The following AGO4 variants were observed in gnomAD, a reference collection of about 807,000 sequenced individuals.
The protein encoded by AGO4 is protein argonaute-4.
Under a neutral mutation model 104.7 loss-of-function variants are expected in AGO4, and 33 were observed. The observed-to-expected ratio is 0.32, with a 90% CI of 0.24 to 0.42. The LOEUF (loss-of-function observed/expected upper bound fraction) is 0.42, where lower values mean the gene tolerates loss of function less well. Ranked by LOEUF, AGO4 falls within the 10% of genes least tolerant of loss-of-function variation. AGO4 has a pLI of 1.00. For missense variants in AGO4, 711 were observed against 1,083.4 expected (o/e 0.66, Z 4.83); for synonymous variants, 331 against 364.7 (o/e 0.91, Z 1.05).
intron 15 of AGO4, among the ~76,000 whole-genome samples, chr1:35,847,071 G>A (rs886849993): frequency 3.3e-5 from 5 of 151,872 alleles, no homozygotes; most frequent in Admixed American, 2.6e-4. Flanking sequence ...CCTCCCATAT[G>A]TTTTAAAACA....
At chr1:35,811,702 C>T (rs943408276) in intron 1 of AGO4, among the ~76,000 whole-genome samples, 1 of 151,970 alleles carries the variant, frequency 6.6e-6, no homozygotes, top group Non-Finnish European at 1.5e-5. Flanking sequence ...CTCCCGGGTT[C>T]AAGCAGTTCT....
At chr1:35,837,329 C>T (rs1644337003) in intron 13 of AGO4, among the ~76,000 whole-genome samples, 1 of 151,676 alleles carries the variant, frequency 6.6e-6, no homozygotes, top group South Asian at 2.1e-4. Context: ...AGTGATCCGC[C>T]TACCTCAGCC....
At chr1:35,839,860 G>C (rs1644397249) in intron 13 of AGO4, among the ~76,000 whole-genome samples, 1 of 151,748 alleles carries the variant, frequency 6.6e-6, no homozygotes. Context: ...CCAGCTATCT[G>C]GAAGGCTGAA....
rs1491011210 is a variant in AGO4, at chr1:35,850,799, A to AC, written c.2278-54dup. The AC allele has an allele frequency of 1.0e-5, 11 of 1,071,258 alleles. No homozygotes were observed. The East Asian group carries it at 3.0e-4, about 29-fold the overall frequency. 66.4% of individuals were successfully genotyped at this position (1,071,258 alleles called of 1,614,324 possible). Reference sequence around the variant, plus strand: ...CCATCTCAAAAAAAAAAAAAAAAAAACAAAAACAAAAAACGAACAAAAAAA... The same window carrying AC: ...CCATCTCAAAAAAAAAAAAAAAAAAACCAAAAACAAAAAACGAACAAAAAAA... On this transcript the variant is annotated intron_variant, in intron 16 of 17. Transcript: ENST00000373210.
At position 35,841,843 on chromosome 1, in the gene AGO4, A is replaced by T; in HGVS notation, c.2175+93A>T. The T allele has an allele frequency of 1.2e-6, 1 of 848,990 alleles. No individual in the cohort carries two copies. The highest frequency in any genetic ancestry group is 1.5e-6 in the Non-Finnish European group (1 of 656,472). 52.6% of individuals were successfully genotyped at this position (848,990 alleles called of 1,614,324 possible). A position where few individuals can be genotyped will look rare whatever the true frequency, so the allele number is the denominator to read the frequency against. ...ATATATATATATATATATATACACC[A>T]TTTTTATACAATTTTTTTCTTAAAA... On this transcript the variant is annotated intron_variant, in intron 15 of 17. Transcript: ENST00000373210. The surrounding 1 kb of genome is among the most constrained non-coding windows in gnomAD (Gnocchi z 4.7).
chr1:35,822,764 A>G, intron 2 of AGO4, 98 bp from the exon 3 acceptor site: 1 of 1,469,264 alleles, frequency 6.8e-7, no homozygotes, highest in South Asian at 1.3e-5. Flanking sequence ...TTTTCCAAGT[A>G]ATACTGAACC....
chr1:35,845,770 T>C (rs1395577158), intron 15 of AGO4, among the ~76,000 whole-genome samples: 1 of 152,216 alleles, frequency 6.6e-6, no homozygotes, highest in Non-Finnish European at 1.5e-5. Context: ...TCAGTCAAGA[T>C]AGGCCAAAAA....
In AGO4 at chr1:35,826,777, C is replaced by G. The variant is rs1405910534; in HGVS notation, c.790C>G (p.Gln264Glu). 6.2e-7 allele frequency: 1 copy of G among 1,614,016 alleles called. No individual in the cohort carries two copies. The highest frequency in any genetic ancestry group is 8.5e-7 in the Non-Finnish European group (1 of 1,180,020). Residue 264 changes from glutamine to glutamate, a missense_variant, in exon 7 of 18, where the codon CAG (glutamine) becomes GAG (glutamate). By Grantham distance (29) the Gln-to-Glu change is conservative. Coordinates refer to ENST00000373210, the MANE Select transcript of AGO4 (RefSeq NM_017629.4). ...CAAAGTTGAGGTGACCCACTGTGGACAGATGAAACGAAAATACCGAGTTTG... is the reference window on the plus strand; with the variant it reads ...CAAAGTTGAGGTGACCCACTGTGGAGAGATGAAACGAAAATACCGAGTTTG... ...GLKVEVTHCG[Q>E]MKRKYRVCNV...
At position 35,841,809 on chromosome 1, in the gene AGO4, C is replaced by CATATATATATATAT. The variant is rs1491257334; in HGVS notation, c.2175+60_2175+61insTATATATATATATA. On this transcript the variant is annotated intron_variant, in intron 15 of 17. Transcript: ENST00000373210. This position sits in a 1 kb window ranked among gnomAD's most constrained non-coding sequence, Gnocchi z 4.7. Reference sequence around the variant, plus strand: ...GGCTCTGGCAAGAGATGTATATATGCACATATATATATATATATATATATA... The same window carrying CATATATATATATAT: ...GGCTCTGGCAAGAGATGTATATATGCATATATATATATATACATATATATATATATATATATATA... 4.7e-6 allele frequency: 4 copies of CATATATATATATAT among 857,258 alleles called. No homozygotes were observed. Among genetic ancestry groups the CATATATATATATAT allele is most frequent in the East Asian group, 3.2e-5 (1 of 31,354 alleles). The allele number at this position is 857,258 out of a possible 1,614,324, so 53.1% of individuals were successfully genotyped here. A position where few individuals can be genotyped will look rare whatever the true frequency, so the allele number is the denominator to read the frequency against.
intron 12 of AGO4, among the ~76,000 whole-genome samples, chr1:35,834,437 C>T (rs1324660642): frequency 6.6e-6 from 1 of 152,178 alleles, no homozygotes; most frequent in African/African-American, 2.4e-5. Flanking sequence ...TCTTTTTTCT[C>T]TCTGCAACTC....
chr1:35,843,030 A>G (rs1490156371), intron 15 of AGO4, among the ~76,000 whole-genome samples: 1 of 151,862 alleles, frequency 6.6e-6, no homozygotes, highest in Non-Finnish European at 1.5e-5. Flanking sequence ...AGTACACTCT[A>G]GTTTTTTTGT....
chr1:35,810,430 G>C (rs1229682506), intron 1 of AGO4, among the ~76,000 whole-genome samples: 1 of 152,082 alleles, frequency 6.6e-6, no homozygotes, highest in East Asian at 1.9e-4. Flanking sequence ...TTCTAGTCTT[G>C]TTCTATCCCT....
In AGO4 at chr1:35,832,066, A is replaced by G; in HGVS notation, c.1126A>G (p.Asn376Asp). 1 of 1,612,122 alleles carries G rather than the reference A, an allele frequency of 6.2e-7. No homozygotes were observed. Among genetic ancestry groups the G allele is most frequent in the Non-Finnish European group, 8.5e-7 (1 of 1,179,538 alleles). ...QEEISRLVKS[N>D]SMVGGPDPYL... ...CTTTCCTGTTCTTTAGGTGAAGAGC[A>G]ACAGTATGGTGGGTGGACCTGATCC... The change falls in exon 10 of 18, where the codon AAC (asparagine) becomes GAC (aspartate). Residue 376 changes from asparagine to aspartate, a missense_variant. Asn to Asp is a conservative substitution (Grantham distance 23). Around this residue, in one of 3 missense-constraint regions of AGO4, gnomAD observed 401 missense variants for 665.5 expected, o/e 0.60. Transcript: ENST00000373210.
At chr1:35,833,913 A>G in intron 11 of AGO4, 77 bp from the exon 12 acceptor site, 1 of 1,203,444 alleles carries the variant, frequency 8.3e-7, no homozygotes, top group Non-Finnish European at 1.1e-6. Flanking sequence ...AACTGAAGGA[A>G]GTATTTCAGA....
chr1:35,835,538 A>T (rs1047713676), intron 12 of AGO4, among the ~76,000 whole-genome samples: 17 of 152,184 alleles, frequency 1.1e-4, no homozygotes, highest in Admixed American at 1.0e-3. Context: ...GTCATGTGGG[A>T]AGAGGAGCAT....
At chr1:35,840,354 G>A (rs886991073) in intron 13 of AGO4, among the ~76,000 whole-genome samples, 6 of 152,178 alleles carry the variant, frequency 3.9e-5, no homozygotes, top group Non-Finnish European at 7.4e-5. Context: ...TAGAGACAGG[G>A]TTTCACCATG....
chr1:35,815,669 G>A (rs1303431538), intron 1 of AGO4, among the ~76,000 whole-genome samples: 1 of 152,064 alleles, frequency 6.6e-6, no homozygotes, highest in Non-Finnish European at 1.5e-5. Flanking sequence ...CTACATCAGG[G>A]TTTCTCAACC....
At position 35,841,749 on chromosome 1, in the gene AGO4, G is replaced by A. The variant is rs1007558862; in HGVS notation, c.2174G>A (p.Arg725Lys). 2 of 1,612,658 alleles carry A rather than the reference G, an allele frequency of 1.2e-6. No homozygotes were observed. The highest frequency in any genetic ancestry group is 1.3e-5 in the African/African-American group (1 of 74,588). Residue 725 changes from arginine to lysine, a missense_variant and splice_region_variant, in exon 15 of 18, where the codon AGG becomes AAG. This residue lies in a region of AGO4 where 401 missense variants were observed against 665.5 expected (regional missense o/e 0.60). Transcript: ENST00000373210. This position sits in a 1 kb window ranked among gnomAD's most constrained non-coding sequence, Gnocchi z 4.7. ...TRLFCADKTE[R>K]VGKSGNVPAG... ...CTCTTCTGTGCAGATAAAACAGAAA[G>A]GGTAAGAAGATATAATATAAGCTTT... is the stretch of plus-strand genomic sequence containing the variant.
At position 35,831,462 on chromosome 1, in the gene AGO4, A is replaced by T; in HGVS notation, c.884A>T (p.Glu295Val). The T allele has an allele frequency of 6.2e-7, 1 of 1,613,624 alleles. No individual in the cohort carries two copies. ...CAGCTAGAAAACGGTCAAGCTATGG[A>T]ATGTACAGTAGCTCAATATTTTAAG... ...PLQLENGQAMECTVAQYFKQK... is the reference protein window; with the variant it reads ...PLQLENGQAMVCTVAQYFKQK... Residue 295 changes from glutamate (E) to valine (V), a missense_variant, in exon 8 of 18, where the codon GAA (glutamate) becomes GTA (valine). Glu to Val is a moderately radical substitution (Grantham distance 121). Around this residue, in one of 3 missense-constraint regions of AGO4, gnomAD observed 308 missense variants for 397.8 expected, o/e 0.77. Coordinates refer to ENST00000373210, the MANE Select transcript of AGO4 (RefSeq NM_017629.4).
Sources: gnomAD v4.1 joint callset for allele counts (sites outside exome capture counted in the v4.1 genomes callset) on GRCh38, gnomAD v4.1.1 for gene constraint, gnomAD v4.1.1 regional missense constraint, Gnocchi (gnomAD v3.1) non-coding constraint, MANE v1.5 for transcripts, NCBI Gene and HGNC (gene_info 2026-07-23, HGNC 2026-07-21) for gene names.